Variants in FAM120A observed in about 807,000 individuals in gnomAD.
FAM120A encodes the protein family with sequence similarity 120 member A.
In FAM120A, 15 loss-of-function variants were observed where a neutral mutation model predicts 109.7. The observed-to-expected ratio is 0.14, with a 90% CI of 0.09 to 0.21. The LOEUF (loss-of-function observed/expected upper bound fraction) is 0.21, where lower values mean the gene tolerates loss of function less well. FAM120A is among the 10% of genes least tolerant of loss of function. FAM120A has a pLI of 1.00. For missense variants in FAM120A, 899 were observed against 1,439.3 expected, an observed-to-expected ratio of 0.62 and a Z score of 6.07; for synonymous variants, 493 against 572.8, an observed-to-expected ratio of 0.86 and a Z score of 1.99.
intron 1 of FAM120A, among the ~76,000 whole-genome samples, chr9:93,468,120 G>C (rs1351904050): frequency 7.2e-5 from 11 of 152,116 alleles, no homozygotes; most frequent in Admixed American, 7.2e-4. Context: ...CTTGACCTCA[G>C]GTGATCACCC....
chr9:93,553,026 A>G (rs567442867), intron 12 of FAM120A, among the ~76,000 whole-genome samples: 1 of 152,348 alleles, frequency 6.6e-6, no homozygotes, highest in South Asian at 2.1e-4. Context: ...GTTACAATGA[A>G]TTTTTAAGAA....
intron 8 of FAM120A, 109 bp from the exon 9 acceptor site, chr9:93,529,244 C>T (rs1861220170): frequency 2.1e-6 from 2 of 966,982 alleles, no homozygotes; most frequent in Admixed American, 2.9e-5. Context: ...AGACAGGACT[C>T]ATCTTTGTCC....
chr9:93,493,727 C>T (rs551605082), intron 3 of FAM120A, among the ~76,000 whole-genome samples: 1 of 152,212 alleles, frequency 6.6e-6, no homozygotes, highest in Non-Finnish European at 1.5e-5. Context: ...TGCCTCCCTC[C>T]TGGGGGCCCA....
chr9:93,511,107 A>G (rs1860297938), intron 5 of FAM120A, among the ~76,000 whole-genome samples: 6 of 151,658 alleles, frequency 4.0e-5, no homozygotes, highest in African/African-American at 1.5e-4. Context: ...TTGACTTGAA[A>G]TTTGCTTCCG....
At chr9:93,521,844 T>A (rs912551809) in intron 7 of FAM120A, among the ~76,000 whole-genome samples, 3 of 152,204 alleles carry the variant, frequency 2.0e-5, no homozygotes, top group African/African-American at 7.2e-5. Context: ...TTTCAGCACT[T>A]TGGGAAGCTG....
chr9:93,455,132 A>G (rs1857495539), intron 1 of FAM120A, among the ~76,000 whole-genome samples: 1 of 152,254 alleles, frequency 6.6e-6, no homozygotes, highest in Non-Finnish European at 1.5e-5. Flanking sequence ...CGTGGAAACA[A>G]AGTATCCTTT....
intron 5 of FAM120A, among the ~76,000 whole-genome samples, chr9:93,511,170 G>A (rs930633170): frequency 1.1e-4 from 16 of 152,080 alleles, no homozygotes; most frequent in African/African-American, 3.6e-4. Context: ...CGCAGGATGT[G>A]CCTGTTCACT....
chr9:93,536,222 C>T lies in FAM120A; in HGVS notation c.1909+3893C>T, dbSNP rs117192177. Among the ~76,000 whole-genome samples the T allele has an allele frequency of 2.5e-4, 38 of 152,284 alleles. No individual in the cohort carries two copies. The East Asian group carries it at 6.6e-3, about 26-fold the overall frequency. On this transcript the variant is annotated intron_variant, in intron 10 of 17. Transcript: ENST00000277165. ...CATGGAGGTTGAATGAAATTATTGG[C>T]GTACTGGAAGAAGATCCATAAGCCA...
chr9:93,516,602 C>T (rs1264746772), intron 7 of FAM120A, among the ~76,000 whole-genome samples: 5 of 152,138 alleles, frequency 3.3e-5, no homozygotes, highest in African/African-American at 9.7e-5. Context: ...CACTCACACC[C>T]GTCACAGCAA....
chr9:93,550,073 C>T (rs1862038989), intron 11 of FAM120A, among the ~76,000 whole-genome samples: 1 of 152,194 alleles, frequency 6.6e-6, no homozygotes. Flanking sequence ...GAGTCTGACT[C>T]CCGCTCACCT....
At chr9:93,476,011 G>A (rs1199709089) in intron 2 of FAM120A, among the ~76,000 whole-genome samples, 1 of 152,170 alleles carries the variant, frequency 6.6e-6, no homozygotes, top group African/African-American at 2.4e-5. Context: ...GTGCTGTGAA[G>A]TTGTTTCAGT....
rs199631661 is a variant in FAM120A, at chr9:93,490,259, AT to A, written c.805-7210del. Among the ~76,000 whole-genome samples the A allele has an allele frequency of 2.7e-3, 404 of 152,338 alleles. 1 individual carries two copies. The highest frequency in any genetic ancestry group is 9.2e-3 in the African/African-American group (382 of 41,590). ...GGTACTTTGTGAAACCTGTATTTATATTCATTTGCATTTTAAATGAGCAGCT... is the reference window on the plus strand; with the variant it reads ...GGTACTTTGTGAAACCTGTATTTATATCATTTGCATTTTAAATGAGCAGCT... On this transcript the variant is annotated intron_variant, in intron 3 of 17. Transcript: ENST00000277165.
chr9:93,551,667 A>G (rs1442075213), intron 12 of FAM120A, among the ~76,000 whole-genome samples: 1 of 152,144 alleles, frequency 6.6e-6, no homozygotes, highest in Admixed American at 6.5e-5. Context: ...TCAGTATTCA[A>G]TAGTTGTTGC....
chr9:93,557,993 G>A lies in FAM120A; in HGVS notation c.2651G>A (p.Arg884Lys). The A allele has an allele frequency of 6.3e-7, 1 of 1,597,582 alleles. No homozygotes were observed. Among genetic ancestry groups the A allele is most frequent in the South Asian group, 1.1e-5 (1 of 90,404 alleles). The change falls in exon 14 of 18, where the codon AGG (arginine) becomes AAG (lysine). Residue 884 changes from arginine (R) to lysine (K), a missense_variant. Transcript: ENST00000277165. ...GGGCCTGTCCCACCCTCTCAGGGCA[G>A]GGGCAGAGGCTTTGCAGGTGAGTTG... ...HFGPVPPSQG[R>K]GRGFAGVCGF... is the part of the protein sequence containing the mutation.
chr9:93,559,460 C>T (rs1266232252), intron 15 of FAM120A, among the ~76,000 whole-genome samples: 24 of 152,214 alleles, frequency 1.6e-4, no homozygotes, highest in Admixed American at 1.6e-3. Context: ...CAATGTTTTT[C>T]CAACTCAGTT....
intron 17 of FAM120A, among the ~76,000 whole-genome samples, chr9:93,563,746 C>G (rs1285426507): frequency 4.6e-5 from 7 of 152,198 alleles, no homozygotes; most frequent in African/African-American, 1.7e-4. Context: ...AGAGTTATTT[C>G]ACAAACACGT....
At chr9:93,561,384 A>G in intron 16 of FAM120A, 134 bp downstream of exon 16, 2 of 830,298 alleles carry the variant, frequency 2.4e-6, no homozygotes, top group South Asian at 3.8e-5. Flanking sequence ...TTTGTATTTA[A>G]TTATTTAGTT....
At chr9:93,555,375 C>A (rs1347474345) in intron 12 of FAM120A, among the ~76,000 whole-genome samples, 1 of 152,188 alleles carries the variant, frequency 6.6e-6, no homozygotes, top group African/African-American at 2.4e-5. Flanking sequence ...ACTGTTAACA[C>A]AAACAACAAA....
intron 5 of FAM120A, among the ~76,000 whole-genome samples, chr9:93,513,897 G>A (rs889668593): frequency 1.3e-5 from 2 of 152,228 alleles, no homozygotes; most frequent in African/African-American, 2.4e-5. Flanking sequence ...CGAGAGTGAA[G>A]GTTTGGGGAA....
Sources: gnomAD v4.1 joint callset for allele counts (sites outside exome capture counted in the v4.1 genomes callset) on GRCh38, gnomAD v4.1.1 for gene constraint, MANE v1.5 for transcripts, NCBI Gene and HGNC (gene_info 2026-07-23, HGNC 2026-07-21) for gene names.